LRPPRC: variants seen among roughly 807,000 people sequenced by gnomAD.
The protein encoded by LRPPRC is leucine rich pentatricopeptide repeat containing.
In LRPPRC, 120 loss-of-function variants were observed where a neutral mutation model predicts 180.3. That is an observed-to-expected ratio of 0.67 (90% CI 0.57 to 0.77). The LOEUF (loss-of-function observed/expected upper bound fraction) is 0.77, where lower values mean the gene tolerates loss of function less well. Among genes scored for constraint, LRPPRC ranks in the 30% least tolerant of loss-of-function variants. LRPPRC has a pLI of 0.00. For synonymous variants in LRPPRC, 723 were observed against 600.0 expected (o/e 1.21, Z -3.00); for missense variants, 2,012 against 1,657.2 (o/e 1.21, Z -3.72).
intron 11 of LRPPRC, among the ~76,000 whole-genome samples, chr2:43,972,515 G>C (rs934491753): frequency 6.6e-6 from 1 of 152,210 alleles, no homozygotes; most frequent in African/African-American, 2.4e-5. Context: ...TGCCTGAAGA[G>C]TTTGATGGAA....
chr2:43,956,105 G>A (rs1673103334), intron 14 of LRPPRC, among the ~76,000 whole-genome samples: 1 of 148,436 alleles, frequency 6.7e-6, no homozygotes, highest in South Asian at 2.1e-4. Context: ...ACAAAATGTA[G>A]AAGAGACATT....
At chr2:43,925,183 T>G (rs1267530250) in intron 26 of LRPPRC, 26 bp from the exon 27 acceptor site, 2 of 1,100,924 alleles carry the variant, frequency 1.8e-6, no homozygotes, top group South Asian at 1.2e-5. Context: ...AAGAGATAGA[T>G]CTACCTTGTG....
intron 1 of LRPPRC, among the ~76,000 whole-genome samples, chr2:43,987,277 C>G (rs1380735881): frequency 6.6e-6 from 1 of 151,936 alleles, no homozygotes; most frequent in Non-Finnish European, 1.5e-5. Context: ...GGGCAGATCA[C>G]GAGGTCAGGA....
intron 2 of LRPPRC, 59 bp downstream of exon 2, chr2:43,982,179 G>C: frequency 8.1e-7 from 1 of 1,241,774 alleles, no homozygotes; most frequent in Non-Finnish European, 1.1e-6. Flanking sequence ...TGGGATTACA[G>C]GCCTGAGCCA....
At chr2:43,910,543 C>CT (rs1281838718) in intron 30 of LRPPRC, among the ~76,000 whole-genome samples, 4 of 152,136 alleles carry the variant, frequency 2.6e-5, no homozygotes, top group African/African-American at 9.7e-5. Context: ...GCTTAAATCT[C>CT]TTTTTAAAAA....
intron 23 of LRPPRC, among the ~76,000 whole-genome samples, chr2:43,936,731 A>G (rs945129936): frequency 6.6e-6 from 1 of 152,192 alleles, no homozygotes; most frequent in Non-Finnish European, 1.5e-5. Context: ...CCCTGTTTAC[A>G]GTGCATCTTC....
At chr2:43,973,540 G>T (rs1455511434) in intron 11 of LRPPRC, 67 bp downstream of exon 11, 1 of 941,254 alleles carries the variant, frequency 1.1e-6, no homozygotes, top group Non-Finnish European at 1.8e-6. Context: ...AATCCAATTA[G>T]ATGTGCGTGC....
intron 25 of LRPPRC, among the ~76,000 whole-genome samples, chr2:43,931,853 C>T (rs569856541): frequency 6.6e-6 from 1 of 152,156 alleles, no homozygotes; most frequent in Admixed American, 6.6e-5. Context: ...TGATTGATAG[C>T]ATTTGCATGG....
intron 15 of LRPPRC, 29 bp from the exon 16 acceptor site, chr2:43,949,688 A>C (rs112600622): frequency 1.4e-6 from 2 of 1,427,738 alleles, no homozygotes; most frequent in South Asian, 2.3e-5. Context: ...CGTGCATTGC[A>C]GCAAGAGAAG....
Position 43,945,321 on chromosome 2 carries a change from C to T in LRPPRC, c.2296+11G>A. 2.5e-6 allele frequency: 4 copies of T among 1,588,988 alleles called. No homozygotes were observed. The highest frequency in any genetic ancestry group is 3.5e-6 in the Non-Finnish European group (4 of 1,157,328). On this transcript the variant is annotated intron_variant, in intron 22 of 37. Transcript: ENST00000260665. ...TTGCATCACATATTTCCTTTATGTG[C>T]TGAGGCTTACCTTGGAGCTTGCCAT...
rs1338252846 is a variant in LRPPRC at position 43,912,439 on chromosome 2, T to A, written c.3268A>T (p.Lys1090Ter). 6.2e-7 allele frequency: 1 copy of A among 1,609,978 alleles called. No homozygotes were observed. Among genetic ancestry groups the A allele is most frequent in the Non-Finnish European group, 8.5e-7 (1 of 1,176,410 alleles). The change falls in exon 30 of 38, where the codon AAA (lysine) becomes TAA (stop). Residue 1090 changes from lysine (K) to a stop codon, truncating the protein, a stop_gained. Coordinates refer to ENST00000260665, the MANE Select transcript of LRPPRC (RefSeq NM_133259.4). LOFTEE classifies it high-confidence loss of function. ...EDYFTQAMEV[K>*]AFAETHIKGF... ...AAATGGACTAACACTTACAATGCTT[T>A]CACTTCCATTGCTTGTGTAAAATAA...
Position 43,982,276 on chromosome 2 carries a change from T to G in LRPPRC, c.308A>C (p.Lys103Thr), listed in dbSNP as rs1572577096. The change falls in exon 2 of 38, where the codon AAG (lysine) becomes ACG (threonine). Residue 103 changes from lysine (K) to threonine (T), a missense_variant. By Grantham distance (78) the Lys-to-Thr change is moderately conservative (BLOSUM62 -1). Transcript: ENST00000260665. ...SVRRTGRIPK[K>T]LLQKVFNDTC... Reference sequence around the variant, plus strand: ...ATCATTAAAAACTTTTTGTAGAAGCTTCTTTGGAATGCGGCCAGTTCTTCG... The same window carrying G: ...ATCATTAAAAACTTTTTGTAGAAGCGTCTTTGGAATGCGGCCAGTTCTTCG... The G allele has an allele frequency of 1.3e-6, 2 of 1,576,638 alleles. No individual in the cohort carries two copies. Among genetic ancestry groups the G allele is most frequent in the East Asian group, 4.5e-5 (2 of 44,410 alleles).
chr2:43,976,102 C>T (rs1324274768), intron 6 of LRPPRC, 41 bp downstream of exon 6: 10 of 1,147,920 alleles, frequency 8.7e-6, no homozygotes, highest in South Asian at 1.2e-5. Context: ...GCATCTCAGC[C>T]ATCTATCACT....
chr2:43,944,883 T>C (rs1047845296), intron 22 of LRPPRC, among the ~76,000 whole-genome samples: 5 of 152,120 alleles, frequency 3.3e-5, no homozygotes, highest in African/African-American at 1.2e-4. Context: ...TTAAAGTATA[T>C]ATTTTGTTAA....
intron 18 of LRPPRC, 51 bp downstream of exon 18, chr2:43,948,071 G>T (rs1269419099): frequency 1.7e-6 from 2 of 1,197,962 alleles, no homozygotes; most frequent in South Asian, 1.2e-5. Context: ...TTAACATGCT[G>T]TTATATGTAA....
intron 1 of LRPPRC, among the ~76,000 whole-genome samples, chr2:43,986,986 C>T (rs1674554260): frequency 6.6e-6 from 1 of 152,184 alleles, no homozygotes; most frequent in South Asian, 2.1e-4. Context: ...TTATCTCCTA[C>T]GTTTTCACCA....
At chr2:43,900,808 G>A (rs763326775) in intron 32 of LRPPRC, among the ~76,000 whole-genome samples, 14 of 152,156 alleles carry the variant, frequency 9.2e-5, no homozygotes, top group Non-Finnish European at 1.6e-4. Context: ...TATTTCTACA[G>A]GGGTAATTCT....
At chr2:43,929,321 C>T (rs1671999437) in intron 25 of LRPPRC, among the ~76,000 whole-genome samples, 1 of 152,206 alleles carries the variant, frequency 6.6e-6, no homozygotes, top group Admixed American at 6.5e-5. Flanking sequence ...TTATGTACTT[C>T]GTTACTTCGT....
At chr2:43,995,570 G>C (rs1403539250) in intron 1 of LRPPRC, among the ~76,000 whole-genome samples, 1 of 152,238 alleles carries the variant, frequency 6.6e-6, no homozygotes, top group African/African-American at 2.4e-5. Context: ...GGCGGGGGCA[G>C]GATTCAAGCC....
Sources: gnomAD v4.1 joint callset for allele counts (sites outside exome capture counted in the v4.1 genomes callset) on GRCh38, gnomAD v4.1.1 for gene constraint, MANE v1.5 for transcripts, NCBI Gene and HGNC (gene_info 2026-07-23, HGNC 2026-07-21) for gene names.